Variants in CRELD1 observed in about 807,000 individuals in gnomAD.
CRELD1 encodes protein disulfide isomerase CRELD1.
Under a neutral mutation model 58.2 loss-of-function variants are expected in CRELD1, and 42 were observed. The ratio of observed to expected loss-of-function variants is 0.72; its 90% CI spans 0.56 to 0.93. CRELD1 has a LOEUF of 0.93. CRELD1 is among the 40% of genes least tolerant of loss of function. The pLI, the probability that CRELD1 is intolerant of heterozygous loss-of-function variation, is 0.00. For missense variants in CRELD1, 500 were observed against 540.6 expected (o/e 0.92, Z 0.74); for synonymous variants, 222 against 202.0 (o/e 1.10, Z -0.84).
rs753734694 is a variant in CRELD1, at chr3:9,943,405, T to A, written c.938T>A (p.Val313Glu). The change falls in exon 10 of 11, where the codon GTG becomes GAG. Residue 313 changes from valine to glutamate, a missense_variant. Physicochemically the swap from Val to Glu is moderately radical, Grantham distance 121. Transcript: ENST00000452070. ...GATGTGGATGAGTGTGAGACAGAGG[T>A]GTGTCCGGGAGAGAACAAGCAGTGT... The part of the protein sequence containing the change: ...CLDVDECETE[V>E]CPGENKQCEN... 2.5e-6 allele frequency: 4 copies of A among 1,613,316 alleles called. No homozygotes were observed. The African/African-American group carries it at 5.4e-5, about 22-fold the overall frequency.
At chr3:9,943,276 G>T in intron 9 of CRELD1, 104 bp downstream of exon 9, 1 of 1,601,678 alleles carries the variant, frequency 6.2e-7, no homozygotes, top group East Asian at 2.2e-5. Flanking sequence ...AGGGTGGAAT[G>T]TTGCCTGGGC....
At chr3:9,943,733 A>G in intron 10 of CRELD1, 1 of 985,394 alleles carries the variant, frequency 1.0e-6, no homozygotes, top group Non-Finnish European at 1.2e-6. Flanking sequence ...CCTGGCATCA[A>G]ATCAGTCTGC....
At chr3:9,940,550 C>T (rs1477234278) in intron 5 of CRELD1, among the ~76,000 whole-genome samples, 15 of 151,906 alleles carry the variant, frequency 9.9e-5, no homozygotes, top group African/African-American at 2.7e-4. Context: ...CGCCTGCAAT[C>T]GCAGGCACTC....
At chr3:9,942,113 T>C (rs1252735820) in intron 7 of CRELD1, among the ~76,000 whole-genome samples, 1 of 151,626 alleles carries the variant, frequency 6.6e-6, no homozygotes, top group Non-Finnish European at 1.5e-5. Context: ...GTACTAAAAA[T>C]ACAAAAATTT....
At chr3:9,940,655 G>A (rs1447418087) in intron 5 of CRELD1, among the ~76,000 whole-genome samples, 195 bp from the exon 6 acceptor site, 7 of 143,566 alleles carry the variant, frequency 4.9e-5, no homozygotes, top group African/African-American at 1.3e-4. Context: ...GAGGGAGACC[G>A]TGTAAAGAGA....
At position 9,937,975 on chromosome 3, in the gene CRELD1, C is replaced by T. The variant is rs753236038; in HGVS notation, c.369-40C>T. 57 of 1,401,090 alleles carry T rather than the reference C, an allele frequency of 4.1e-5. 1 individual carries two copies. In the African/African-American group the frequency reaches 7.1e-4, roughly 17 times the overall value. The allele number at this position is 1,401,090 out of a possible 1,614,324, so 86.8% of individuals were successfully genotyped here. ...AACAGCACTTATGACACTATCTCAG[C>T]ACCTCCTCCCCACCTCCCTCCACCC... On this transcript the variant is annotated intron_variant, in intron 4 of 10. Coordinates refer to ENST00000452070, the MANE Select transcript of CRELD1 (RefSeq NM_001077415.3).
In CRELD1 at chr3:9,933,858, G is replaced by C. The variant is rs558446222; in HGVS notation, c.-82G>C. On this transcript the variant is annotated 5_prime_UTR_variant, in exon 1 of 11. Coordinates refer to ENST00000452070, the MANE Select transcript of CRELD1 (RefSeq NM_001077415.3). Reference sequence around the variant, plus strand: ...CAGGCTGTGGCAGCGACGCGGTGAGGAGACGGCCCACGGCGCCCGCGGGCT... The same window carrying C: ...CAGGCTGTGGCAGCGACGCGGTGAGCAGACGGCCCACGGCGCCCGCGGGCT... 1.2e-5 allele frequency: 6 copies of C among 510,188 alleles called. No homozygotes were observed. Among genetic ancestry groups the C allele is most frequent in the South Asian group, 9.6e-5 (4 of 41,622 alleles). 31.6% of individuals were successfully genotyped at this position (510,188 alleles called of 1,614,324 possible).
chr3:9,936,132 C>A (rs558453959), intron 3 of CRELD1: 1 of 152,144 alleles, frequency 6.6e-6, no homozygotes, highest in African/African-American at 2.4e-5. Context: ...GGTTCTTAAC[C>A]TCTCAGAGCC....
At position 9,941,143 on chromosome 3, in the gene CRELD1, C is replaced by CCAAA. The variant is rs1257685868; in HGVS notation, c.671_672insAAAC (p.Glu225AsnfsTer2). 3 of 1,614,110 alleles carry CCAAA rather than the reference C, an allele frequency of 1.9e-6. No individual in the cohort carries two copies. The African/African-American group carries it at 4.0e-5, about 22-fold the overall frequency. On this transcript the variant is annotated frameshift_variant, in exon 7 of 11. Transcript: ENST00000452070. LOFTEE classifies it high-confidence loss of function. ...TGGCCCCTGTGCCCGATGCTCAGGA[C>CCAAA]CTGAGGAATCAAACTGTTTGCAATG... is the stretch of plus-strand genomic sequence containing the variant.
chr3:9,943,995 T>C (rs755187927), intron 10 of CRELD1: 2 of 998,316 alleles, frequency 2.0e-6, no homozygotes, highest in East Asian at 2.4e-5. Context: ...AAAATGAAGA[T>C]GCAGAGAGAT....
chr3:9,943,065 T>G lies in CRELD1; in HGVS notation c.818-12T>G, dbSNP rs370127844. On this transcript the variant is annotated splice_polypyrimidine_tract_variant and intron_variant, in intron 8 of 10. Coordinates refer to ENST00000452070, the MANE Select transcript of CRELD1 (RefSeq NM_001077415.3). ...TGCACATCTCACCCTCATCTTTCTC[T>G]CCTCTCTCCAGACTGTGCCAAGGCC... The G allele has an allele frequency of 6.2e-7, 1 of 1,612,766 alleles. No homozygotes were observed. Among genetic ancestry groups the G allele is most frequent in the Non-Finnish European group, 8.5e-7 (1 of 1,179,136 alleles).
rs541137244 is a variant in CRELD1, at chr3:9,933,955, C to A, written c.-20+35C>A. Reference sequence around the variant, plus strand: ...CTTCTCTGCCGGCTCGTGGGCCGTGCCTTTGCCCTTCTGCGAGGCCCTGAA... The same window carrying A: ...CTTCTCTGCCGGCTCGTGGGCCGTGACTTTGCCCTTCTGCGAGGCCCTGAA... On this transcript the variant is annotated intron_variant, in intron 1 of 10. Coordinates refer to ENST00000452070, the MANE Select transcript of CRELD1 (RefSeq NM_001077415.3). 1.4e-4 allele frequency: 48 copies of A among 347,200 alleles called. No individual in the cohort carries two copies. In the South Asian group the frequency reaches 1.6e-3, roughly 11 times the overall value. 21.5% of individuals were successfully genotyped at this position (347,200 alleles called of 1,614,324 possible).
chr3:9,941,909 T>C (rs1157729569), intron 7 of CRELD1, among the ~76,000 whole-genome samples: 5 of 151,132 alleles, frequency 3.3e-5, no homozygotes, highest in African/African-American at 7.3e-5. Context: ...TAGCCACTTA[T>C]ATAGACTAAA....
chr3:9,934,537 A>ACCTCCCCAGTCTTCTCCCCCG lies in CRELD1; in HGVS notation c.104_124dup (p.Pro35_Pro41dup). 6.2e-7 allele frequency: 1 copy of ACCTCCCCAGTCTTCTCCCCCG among 1,609,124 alleles called. No homozygotes were observed. Among genetic ancestry groups the ACCTCCCCAGTCTTCTCCCCCG allele is most frequent in the Non-Finnish European group, 8.5e-7 (1 of 1,178,482 alleles). On this transcript the variant is annotated inframe_insertion, in exon 2 of 11. Coordinates refer to ENST00000452070, the MANE Select transcript of CRELD1 (RefSeq NM_001077415.3). ...GACCTATCTGGCTCCAGCCCTCTCC[A>ACCTCCCCAGTCTTCTCCCCCG]CCTCCCCAGTCTTCTCCCCCGCCTC...
rs1045635636 is a variant in CRELD1, at chr3:9,934,355, C to A, written c.-19-65C>A. 1.2e-5 allele frequency: 16 copies of A among 1,304,486 alleles called. No homozygotes were observed. In the African/African-American group the frequency reaches 2.2e-4, roughly 18 times the overall value. The allele number at this position is 1,304,486 out of a possible 1,614,324, so 80.8% of individuals were successfully genotyped here. A position where few individuals can be genotyped will look rare whatever the true frequency, so the allele number is the denominator to read the frequency against. On this transcript the variant is annotated intron_variant, in intron 1 of 10. Transcript: ENST00000452070. ...CAGCGCCACGGCACCTTAGAACAGA[C>A]CTTTTTCTTTCTCGCGTGGGGCCTG...
At chr3:9,944,118 C>A in intron 10 of CRELD1, 1 of 788,944 alleles carries the variant, frequency 1.3e-6, no homozygotes, top group Non-Finnish European at 2.3e-6. Flanking sequence ...CTGCCCCCAA[C>A]TTGTCCACCA....
chr3:9,937,693 CCTGGAAGTGGGTCACAGGT>C, intron 4 of CRELD1, 21 bp downstream of exon 4: 3 of 1,541,494 alleles, frequency 1.9e-6, no homozygotes, highest in Non-Finnish European at 2.7e-6. Flanking sequence ...AAGGGCCTTC[CCTGGAAGTGGGTCACAGGT>C]GAGGCCTGGT....
At chr3:9,933,956 C>T (rs2125326295) in intron 1 of CRELD1, 36 bp downstream of exon 1, 1 of 347,684 alleles carries the variant, frequency 2.9e-6, no homozygotes, top group South Asian at 3.3e-5. Flanking sequence ...TGGGCCGTGC[C>T]TTTGCCCTTC....
At chr3:9,935,893 A>G (rs979703544) in intron 3 of CRELD1, 5 of 152,238 alleles carry the variant, frequency 3.3e-5, no homozygotes, top group African/African-American at 1.2e-4. Flanking sequence ...AGGAATTGGA[A>G]ACAGGAATTT....
Sources: allele counts gnomAD v4.1 joint callset (sites outside exome capture counted in the v4.1 genomes callset), GRCh38; gene constraint gnomAD v4.1.1; transcripts MANE v1.5; gene names NCBI Gene and HGNC (gene_info 2026-07-23, HGNC 2026-07-21).